Variants in COL4A1 observed in about 807,000 individuals in gnomAD.
The protein encoded by COL4A1 is collagen alpha-1(IV) chain.
A neutral mutation model predicts 216.6 loss-of-function variants in COL4A1; 40 were observed. The observed-to-expected ratio is 0.18, with a 90% CI of 0.14 to 0.24. COL4A1 has a LOEUF of 0.24. Ranked by LOEUF, COL4A1 falls within the 10% of genes least tolerant of loss-of-function variation. The probability of loss-of-function intolerance (pLI) is 1.00; values close to 1 mark genes in which losing one functional copy is unlikely to be tolerated. For synonymous variants in COL4A1, 839 were observed against 810.7 expected (o/e 1.03, Z -0.59); for missense variants, 1,628 against 2,196.8 (o/e 0.74, Z 5.18).
chr13:110,267,276 G>A (rs1445843101), intron 1 of COL4A1, among the ~76,000 whole-genome samples: 3 of 152,142 alleles, frequency 2.0e-5, no homozygotes, highest in African/African-American at 7.2e-5. Flanking sequence ...AGGGAGGAGG[G>A]GCAGGGAGAC....
chr13:110,178,478 C>A (rs183769696), intron 31 of COL4A1, among the ~76,000 whole-genome samples: 23 of 152,322 alleles, frequency 1.5e-4, no homozygotes, highest in Admixed American at 1.0e-3. Flanking sequence ...CTAAGCACCA[C>A]CACTGCCTTG....
chr13:110,280,920 A>G (rs187751149), intron 1 of COL4A1, among the ~76,000 whole-genome samples: 201 of 152,192 alleles, frequency 1.3e-3, no homozygotes, highest in African/African-American at 4.6e-3. Flanking sequence ...ATATGCAACT[A>G]TCTACTTAGA....
intron 8 of COL4A1, 34 bp from the exon 9 acceptor site, chr13:110,210,246 A>G (rs756029865): frequency 6.3e-7 from 1 of 1,595,608 alleles, no homozygotes; most frequent in Non-Finnish European, 8.6e-7. Context: ...GAAAGTTGCA[A>G]ATATCGACAT....
rs543379330 is a variant in COL4A1, at chr13:110,191,838, G to A, written c.1536+376C>T. 1.5e-3 allele frequency among the ~76,000 whole-genome samples: 228 copies of A among 152,330 alleles called. 1 individual carries two copies. The highest frequency in any genetic ancestry group is 6.8e-3 in the Middle Eastern group (2 of 294). On this transcript the variant is annotated intron_variant, in intron 24 of 51. Transcript: ENST00000375820. Reference sequence around the variant, plus strand: ...GTTACCAGCACTGGTAACACAGAAAGACGGCACTTCGGCTCTGCACTGTGG... The same window carrying A: ...GTTACCAGCACTGGTAACACAGAAAAACGGCACTTCGGCTCTGCACTGTGG...
At chr13:110,175,487 A>T in intron 36 of COL4A1, 130 bp from the exon 37 acceptor site, 1 of 1,485,738 alleles carries the variant, frequency 6.7e-7, no homozygotes, top group Admixed American at 2.0e-5. Context: ...GCCAAGATTG[A>T]GATACAAGAA....
intron 1 of COL4A1, among the ~76,000 whole-genome samples, chr13:110,294,701 G>C (rs1436833137): frequency 1.3e-5 from 2 of 152,148 alleles, no homozygotes; most frequent in Non-Finnish European, 2.9e-5. Context: ...GTTGAATTTG[G>C]GAGGTTGAAC....
chr13:110,194,952 C>A (rs1214207199), intron 22 of COL4A1, 71 bp downstream of exon 22: 1 of 1,387,332 alleles, frequency 7.2e-7, no homozygotes, highest in Non-Finnish European at 1.0e-6. Flanking sequence ...GGCTCCAAAG[C>A]CGGTAAGTAT....
At chr13:110,168,373 G>A (rs1328218761) in intron 43 of COL4A1, among the ~76,000 whole-genome samples, 1 of 152,142 alleles carries the variant, frequency 6.6e-6, no homozygotes, top group Admixed American at 6.5e-5. Flanking sequence ...ATAAATATTT[G>A]ACAAATTACC....
intron 8 of COL4A1, among the ~76,000 whole-genome samples, chr13:110,210,569 A>G (rs1001225354): frequency 3.3e-5 from 5 of 152,132 alleles, no homozygotes; most frequent in Non-Finnish European, 7.4e-5. Context: ...ACAAAACAAG[A>G]ATTCTCTTTT....
At chr13:110,272,352 G>A (rs1883274523) in intron 1 of COL4A1, among the ~76,000 whole-genome samples, 1 of 152,206 alleles carries the variant, frequency 6.6e-6, no homozygotes, top group South Asian at 2.1e-4. Context: ...TGCTGACTCT[G>A]CCTTTTCTGC....
At chr13:110,241,788 G>A (rs1406375126) in intron 2 of COL4A1, among the ~76,000 whole-genome samples, 1 of 152,174 alleles carries the variant, frequency 6.6e-6, no homozygotes, top group Non-Finnish European at 1.5e-5. Context: ...GCTGAATTTC[G>A]AAAGCATCAG....
At chr13:110,177,981 C>G (rs1391223053) in intron 32 of COL4A1, 50 bp from the exon 33 acceptor site, 2 of 1,613,902 alleles carry the variant, frequency 1.2e-6, no homozygotes, top group Admixed American at 3.3e-5. Flanking sequence ...TGAATGCTGA[C>G]AGTAAATGCT....
At chr13:110,205,607 A>G (rs1879471371) in intron 15 of COL4A1, 69 bp from the exon 16 acceptor site, 1 of 1,559,354 alleles carries the variant, frequency 6.4e-7, no homozygotes, top group African/African-American at 1.4e-5. Context: ...TCATGCCTGT[A>G]ATCCCAGCAC....
Position 110,162,380 on chromosome 13 carries a change from C to A in COL4A1, c.4312G>T (p.Gly1438Cys). The A allele has an allele frequency of 6.2e-7, 1 of 1,614,236 alleles. No individual in the cohort carries two copies. Among genetic ancestry groups the A allele is most frequent in the Non-Finnish European group, 8.5e-7 (1 of 1,180,046 alleles). The change falls in exon 48 of 52, where the codon GGC becomes TGC. Residue 1438 changes from glycine (G) to cysteine (C), a missense_variant. Transcript: ENST00000375820. Reference sequence around the variant, plus strand: ...AAGCCGTGATCAACAGATGGGGTGCCTGGGGGCCCCATGGATCCTGGCAAC... The same window carrying A: ...AAGCCGTGATCAACAGATGGGGTGCATGGGGGCCCCATGGATCCTGGCAAC... ...DGLPGSMGPP[G>C]TPSVDHGFLV...
In COL4A1 at chr13:110,211,911, C is replaced by T. The variant is rs772950862; in HGVS notation, c.399G>A (p.Gly133=). Residue 133 remains glycine (G), a synonymous_variant, in exon 7 of 52, where the codon GGG becomes GGA. Transcript: ENST00000375820. This position sits in a 1 kb window ranked among gnomAD's most constrained non-coding sequence, Gnocchi z 4.3. ...PGCNGTKGER[G]PLGPPGLPGF... ...CAGGCAAGCCAGGAGGCCCGAGCGG[C>T]CCTCTCTCCCCCTGGGGAGACAGCA... 3.1e-6 allele frequency: 5 copies of T among 1,614,152 alleles called. No individual in the cohort carries two copies. The highest frequency in any genetic ancestry group is 4.2e-6 in the Non-Finnish European group (5 of 1,180,002).
intron 2 of COL4A1, among the ~76,000 whole-genome samples, chr13:110,233,491 A>T (rs1467111111): frequency 6.6e-6 from 1 of 152,156 alleles, no homozygotes; most frequent in African/African-American, 2.4e-5. Flanking sequence ...AAACGAAGTG[A>T]TATCTCACGC....
intron 1 of COL4A1, among the ~76,000 whole-genome samples, chr13:110,281,748 A>G (rs909270513): frequency 2.0e-5 from 3 of 152,214 alleles, no homozygotes; most frequent in Non-Finnish European, 4.4e-5. Context: ...CTCTTCTTCT[A>G]ATGGTATGGC....
At chr13:110,156,471 C>G (rs1714558687) in intron 49 of COL4A1, among the ~76,000 whole-genome samples, 1 of 152,192 alleles carries the variant, frequency 6.6e-6, no homozygotes, top group Admixed American at 6.5e-5. Flanking sequence ...GCCCTCTTGG[C>G]TCAGATGTCC....
chr13:110,303,368 T>C (rs1884568300), intron 1 of COL4A1, among the ~76,000 whole-genome samples: 1 of 151,936 alleles, frequency 6.6e-6, no homozygotes, highest in Non-Finnish European at 1.5e-5. Context: ...GGAGCTCTTT[T>C]TTAACACTGG....
Sources: gnomAD v4.1 joint callset for allele counts (sites outside exome capture counted in the v4.1 genomes callset) on GRCh38, gnomAD v4.1.1 for gene constraint, Gnocchi (gnomAD v3.1) non-coding constraint, MANE v1.5 for transcripts, NCBI Gene and HGNC (gene_info 2026-07-23, HGNC 2026-07-21) for gene names.